KCNH7: variants seen among roughly 807,000 people sequenced by gnomAD.
KCNH7 encodes the protein potassium voltage-gated channel subfamily H member 7.
KCNH7 carries 49 observed loss-of-function variants against 120.8 expected under a neutral mutation model. The observed-to-expected ratio is 0.41, with a 90% CI of 0.32 to 0.51. The LOEUF is 0.51. KCNH7 is among the 20% of genes least tolerant of loss of function. KCNH7 has a pLI of 0.38. For missense variants in KCNH7, 1,097 were observed against 1,446.6 expected, an observed-to-expected ratio of 0.76 and a Z score of 3.92; for synonymous variants, 547 against 516.1, an observed-to-expected ratio of 1.06 and a Z score of -0.81.
chr2:162,453,626 TG>T (rs1211650496), intron 6 of KCNH7, among the ~76,000 whole-genome samples: 1 of 152,306 alleles, frequency 6.6e-6, no homozygotes, highest in East Asian at 1.9e-4. Context: ...CCAGCGTCTT[TG>T]TTTCTTGATC....
chr2:162,601,546 T>C (rs1694558766), intron 2 of KCNH7, among the ~76,000 whole-genome samples: 1 of 151,704 alleles, frequency 6.6e-6, no homozygotes, highest in African/African-American at 2.4e-5. Context: ...TAACAAACTA[T>C]AAAATTAATC....
chr2:162,374,030 TA>T (rs990988239), intron 14 of KCNH7, among the ~76,000 whole-genome samples: 1 of 152,226 alleles, frequency 6.6e-6, no homozygotes, highest in Non-Finnish European at 1.5e-5. Flanking sequence ...GTGAACATTT[TA>T]TTTGCTCTTA....
chr2:162,753,140 T>A (rs1688664499), intron 2 of KCNH7, among the ~76,000 whole-genome samples: 1 of 151,682 alleles, frequency 6.6e-6, no homozygotes, highest in African/African-American at 2.4e-5. Flanking sequence ...AAATTGCTTA[T>A]AATTTGGCCC....
chr2:162,583,025 T>C (rs1195774754), intron 2 of KCNH7, among the ~76,000 whole-genome samples: 1 of 152,102 alleles, frequency 6.6e-6, no homozygotes, highest in Non-Finnish European at 1.5e-5. Flanking sequence ...AATCTACTTT[T>C]AGCATAAACA....
rs370071933 is a variant in KCNH7 at position 162,425,591 on chromosome 2, G to A, written c.1955-2056C>T. ...CTAAATGTAGTGGGGAAACAATTACGTGTGATGCTATGTTTCCAAAATACC... is the reference window on the plus strand; with the variant it reads ...CTAAATGTAGTGGGGAAACAATTACATGTGATGCTATGTTTCCAAAATACC... On this transcript the variant is annotated intron_variant, in intron 8 of 15. Transcript: ENST00000332142. 3.9e-5 allele frequency among the ~76,000 whole-genome samples: 6 copies of A among 152,238 alleles called. No individual in the cohort carries two copies. In the East Asian group the frequency reaches 9.7e-4, roughly 25 times the overall value.
intron 6 of KCNH7, among the ~76,000 whole-genome samples, chr2:162,489,596 A>G (rs554254863): frequency 6.6e-6 from 1 of 152,214 alleles, no homozygotes; most frequent in Non-Finnish European, 1.5e-5. Flanking sequence ...CCTTGAAGAC[A>G]ATGATCTTAT....
In KCNH7 at chr2:162,638,417, T is replaced by C. The variant is rs145891830; in HGVS notation, c.308-101337A>G. ...GAGTACTTTTAACAGAAAATATTAA[T>C]GGCTTAGGGTTACAACAAATTAAAT... On this transcript the variant is annotated intron_variant, in intron 2 of 15. Transcript: ENST00000332142. Among the ~76,000 whole-genome samples, 287 of 152,188 alleles carry C rather than the reference T, an allele frequency of 1.9e-3. 1 individual carries two copies. The highest frequency in any genetic ancestry group is 6.5e-3 in the African/African-American group (268 of 41,548).
intron 9 of KCNH7, among the ~76,000 whole-genome samples, chr2:162,422,036 A>G (rs1687722504): frequency 6.6e-6 from 1 of 152,170 alleles, no homozygotes; most frequent in African/African-American, 2.4e-5. Context: ...GTGAGATTAA[A>G]GTGTTCTTTT....
intron 6 of KCNH7, among the ~76,000 whole-genome samples, chr2:162,478,923 A>T (rs1007474452): frequency 6.6e-6 from 1 of 152,152 alleles, no homozygotes; most frequent in African/African-American, 2.4e-5. Flanking sequence ...GTCCTTAATC[A>T]TTGTGACTCC....
chr2:162,552,116 G>A (rs1692687848), intron 2 of KCNH7, among the ~76,000 whole-genome samples: 2 of 152,150 alleles, frequency 1.3e-5, no homozygotes, highest in Non-Finnish European at 2.9e-5. Context: ...ACACTCATTA[G>A]ACAATGATGA....
At position 162,628,703 on chromosome 2, in the gene KCNH7, T is replaced by G. The variant is rs1055254731; in HGVS notation, c.308-91623A>C. Among the ~76,000 whole-genome samples, 7 of 152,060 alleles carry G rather than the reference T, an allele frequency of 4.6e-5. No individual in the cohort carries two copies. In the South Asian group the frequency reaches 6.2e-4, roughly 13 times the overall value. On this transcript the variant is annotated intron_variant, in intron 2 of 15. Coordinates refer to ENST00000332142, the MANE Select transcript of KCNH7 (RefSeq NM_033272.4). Reference sequence around the variant, plus strand: ...GTAAGAACATGCAGTATTTGTTTTTTTTGTTGTTGTTGCTGTGTCAGTTTG... The same window carrying G: ...GTAAGAACATGCAGTATTTGTTTTTGTTGTTGTTGTTGCTGTGTCAGTTTG...
intron 2 of KCNH7, among the ~76,000 whole-genome samples, chr2:162,658,290 G>T (rs555457955): frequency 6.6e-6 from 1 of 152,030 alleles, no homozygotes; most frequent in East Asian, 1.9e-4. Flanking sequence ...TTTGTTAAAG[G>T]ATAGGTGACT....
chr2:162,835,465 T>C (rs1247502011), intron 2 of KCNH7, among the ~76,000 whole-genome samples: 1 of 151,992 alleles, frequency 6.6e-6, no homozygotes, highest in Non-Finnish European at 1.5e-5. Flanking sequence ...TTTCTAAAAA[T>C]CTGAACAGCT....
At chr2:162,489,252 T>A (rs938205536) in intron 6 of KCNH7, among the ~76,000 whole-genome samples, 3 of 152,174 alleles carry the variant, frequency 2.0e-5, no homozygotes, top group African/African-American at 7.2e-5. Flanking sequence ...TTTTATTTTT[T>A]CCTCATCATT....
chr2:162,403,634 A>G (rs767531959), intron 9 of KCNH7, among the ~76,000 whole-genome samples: 17 of 151,964 alleles, frequency 1.1e-4, no homozygotes, highest in South Asian at 6.2e-4. Context: ...CTGTTGTTGC[A>G]TGGAGAAGAT....
Position 162,580,008 on chromosome 2 carries a change from T to C in KCNH7, c.308-42928A>G, listed in dbSNP as rs141968081. On this transcript the variant is annotated intron_variant, in intron 2 of 15. Coordinates refer to ENST00000332142, the MANE Select transcript of KCNH7 (RefSeq NM_033272.4). ...GAATAGCTGTTGCTAGTTCCTATAG[T>C]AGTTCTCTACCTTCATTCAAAATGG... is the stretch of plus-strand genomic sequence containing the variant. 7.7e-3 allele frequency among the ~76,000 whole-genome samples: 1,167 copies of C among 152,164 alleles called. 16 individuals are homozygous for C. Among genetic ancestry groups the C allele is most frequent in the African/African-American group, 0.027 (1,102 of 41,550 alleles).
intron 2 of KCNH7, among the ~76,000 whole-genome samples, chr2:162,554,938 G>A (rs990523053): frequency 2.0e-5 from 3 of 152,202 alleles, no homozygotes; most frequent in African/African-American, 4.8e-5. Flanking sequence ...ATGAGTCTTT[G>A]TAACACTTCT....
chr2:162,411,017 T>C (rs1687376226), intron 9 of KCNH7, among the ~76,000 whole-genome samples: 1 of 152,048 alleles, frequency 6.6e-6, no homozygotes, highest in Non-Finnish European at 1.5e-5. Context: ...GTAAATTAGT[T>C]AAATCACTAT....
chr2:162,413,028 G>T (rs753669773), intron 9 of KCNH7, among the ~76,000 whole-genome samples: 8 of 152,206 alleles, frequency 5.3e-5, no homozygotes, highest in East Asian at 1.9e-4. Flanking sequence ...GAAGAATAAA[G>T]GTTCTTAAAT....
Sources: allele counts gnomAD v4.1 joint callset (sites outside exome capture counted in the v4.1 genomes callset), GRCh38; gene constraint gnomAD v4.1.1; transcripts MANE v1.5; gene names NCBI Gene and HGNC (gene_info 2026-07-23, HGNC 2026-07-21).